The following LCORL variants were observed in gnomAD, a reference collection of about 807,000 sequenced individuals.
LCORL encodes ligand-dependent nuclear receptor corepressor-like protein.
LCORL carries 41 observed loss-of-function variants against 141.8 expected under a neutral mutation model. That is an observed-to-expected ratio of 0.29 (90% CI 0.23 to 0.38). The LOEUF (loss-of-function observed/expected upper bound fraction) is 0.38. Ranked by LOEUF, LCORL falls within the 10% of genes least tolerant of loss-of-function variation. The pLI is 1.00. For missense variants in LCORL, 1,759 were observed against 2,035.0 expected, an observed-to-expected ratio of 0.86 and a Z score of 2.61; for synonymous variants, 618 against 694.1, an observed-to-expected ratio of 0.89 and a Z score of 1.72.
At chr4:17,858,365 C>G (rs1724602228) in intron 7 of LCORL, among the ~76,000 whole-genome samples, 1 of 151,636 alleles carries the variant, frequency 6.6e-6, no homozygotes, top group African/African-American at 2.4e-5. Context: ...TATCAGTGAC[C>G]TGTGGGATAA....
At chr4:17,985,500 A>G (rs952847621) in intron 1 of LCORL, among the ~76,000 whole-genome samples, 1 of 152,116 alleles carries the variant, frequency 6.6e-6, no homozygotes, top group East Asian at 1.9e-4. Context: ...TGTTGAATTG[A>G]ACCCTTTACC....
At chr4:17,926,549 C>T (rs1429372698) in intron 4 of LCORL, among the ~76,000 whole-genome samples, 3 of 152,180 alleles carry the variant, frequency 2.0e-5, no homozygotes, top group Non-Finnish European at 4.4e-5. Flanking sequence ...GGTGGCTTCC[C>T]TAACTTTTGA....
intron 4 of LCORL, among the ~76,000 whole-genome samples, chr4:17,955,105 C>T (rs185500813): frequency 1.7e-4 from 26 of 152,150 alleles, no homozygotes; most frequent in African/African-American, 6.0e-4. Flanking sequence ...CTAACTCTTA[C>T]GGCTCTTCAA....
chr4:18,014,187 T>C (rs1358069020), intron 1 of LCORL, among the ~76,000 whole-genome samples: 1 of 151,810 alleles, frequency 6.6e-6, no homozygotes, highest in Non-Finnish European at 1.5e-5. Flanking sequence ...GCAATGTGGA[T>C]AAAAAAGGAC....
intron 1 of LCORL, among the ~76,000 whole-genome samples, chr4:17,993,918 G>A (rs374892615): frequency 4.5e-4 from 68 of 152,286 alleles, no homozygotes; most frequent in African/African-American, 1.5e-3. Context: ...GTGATACAGC[G>A]TCATTATTTT....
In LCORL at chr4:18,021,434, C is replaced by T. The variant is rs928215502; in HGVS notation, c.154+164G>A. Among the ~76,000 whole-genome samples, 1 of 152,100 alleles carries T rather than the reference C, an allele frequency of 6.6e-6. No homozygotes were observed. Among genetic ancestry groups the T allele is most frequent in the Non-Finnish European group, 1.5e-5 (1 of 67,994 alleles). On this transcript the variant is annotated intron_variant, in intron 1 of 7. Transcript: ENST00000635767. The surrounding 1 kb of genome is among the most constrained non-coding windows in gnomAD (Gnocchi z 5.5). Reference sequence around the variant, plus strand: ...CGCGCCGGGCCAGCAGCCCGCAAGACAAAAGGCGAGCGCCGGGGCCGCCGC... The same window carrying T: ...CGCGCCGGGCCAGCAGCCCGCAAGATAAAAGGCGAGCGCCGGGGCCGCCGC...
chr4:17,883,724 A>C, intron 6 of LCORL: 1 of 1,531,452 alleles, frequency 6.5e-7, no homozygotes, highest in Non-Finnish European at 8.8e-7. Flanking sequence ...AGTAATCTAC[A>C]CAGGCTTGCT....
chr4:17,872,117 C>A (rs191883334), intron 7 of LCORL, among the ~76,000 whole-genome samples: 21 of 151,668 alleles, frequency 1.4e-4, no homozygotes, highest in African/African-American at 4.4e-4. Flanking sequence ...CCAAAAACAC[C>A]CCTAAAATAT....
chr4:17,956,838 A>G (rs888450241), intron 4 of LCORL, among the ~76,000 whole-genome samples: 1 of 152,148 alleles, frequency 6.6e-6, no homozygotes, highest in African/African-American at 2.4e-5. Context: ...TGGATATTCT[A>G]AATACCCCAA....
chr4:17,953,610 A>G (rs1026781020), intron 4 of LCORL, among the ~76,000 whole-genome samples: 1 of 152,190 alleles, frequency 6.6e-6, no homozygotes, highest in African/African-American at 2.4e-5. Context: ...CTAAAGGTCT[A>G]GCATACTGCA....
At chr4:18,018,804 A>G in intron 1 of LCORL, among the ~76,000 whole-genome samples, 1 of 152,222 alleles carries the variant, frequency 6.6e-6, no homozygotes, top group South Asian at 2.1e-4. Context: ...TTACCAAAAG[A>G]CAAGAAGGAT....
exon 7 of LCORL, chr4:17,873,930 T>G: frequency 1.6e-6 from 2 of 1,234,066 alleles, no homozygotes; most frequent in Non-Finnish European, 2.0e-6. Flanking sequence ...CTTAAATTTA[T>G]TCTCAAAACT....
chr4:17,855,490 C>CT (rs1157863332), intron 7 of LCORL, among the ~76,000 whole-genome samples: 1 of 152,074 alleles, frequency 6.6e-6, no homozygotes, highest in African/African-American at 2.4e-5. Context: ...GATCATAATC[C>CT]TTTTTTTGAT....
At position 17,883,659 on chromosome 4, in the gene LCORL, T is replaced by TACACACACACGCAA. The variant is rs1400869962; in HGVS notation, c.776+2395_776+2408dup. Reference sequence around the variant, plus strand: ...ACACACAAATACACACCTGTGCACATACACACACACGCAAACACACACACA... The same window carrying TACACACACACGCAA: ...ACACACAAATACACACCTGTGCACATACACACACACGCAAACACACACACGCAAACACACACACA... On this transcript the variant is annotated intron_variant, in intron 6 of 7. Transcript: ENST00000635767. 3.1e-5 allele frequency: 45 copies of TACACACACACGCAA among 1,433,730 alleles called. No homozygotes were observed. The African/African-American group carries it at 6.4e-4, about 20-fold the overall frequency. The allele number at this position is 1,433,730 out of a possible 1,614,324, so 88.8% of individuals were successfully genotyped here.
At chr4:17,917,337 G>C (rs1448413341) in intron 4 of LCORL, among the ~76,000 whole-genome samples, 1 of 151,922 alleles carries the variant, frequency 6.6e-6, no homozygotes, top group East Asian at 1.9e-4. Context: ...GGATCACAGG[G>C]GCCTGCCACC....
chr4:17,880,173 A>G (rs968916732), intron 6 of LCORL, among the ~76,000 whole-genome samples: 6 of 151,056 alleles, frequency 4.0e-5, no homozygotes, highest in African/African-American at 9.7e-5. Flanking sequence ...AGATATTCAG[A>G]TATTAGATTC....
Position 17,937,812 on chromosome 4 carries a change from C to T in LCORL, c.430+24091G>A, listed in dbSNP as rs115905916. Reference sequence around the variant, plus strand: ...TCAAACAAAAACAGGAACTAAAGGGCAATACAATAGAACAAAATCTGGTCT... The same window carrying T: ...TCAAACAAAAACAGGAACTAAAGGGTAATACAATAGAACAAAATCTGGTCT... On this transcript the variant is annotated intron_variant, in intron 4 of 7. Transcript: ENST00000635767. Among the ~76,000 whole-genome samples, 479 of 152,118 alleles carry T rather than the reference C, an allele frequency of 3.1e-3. 3 individuals are homozygous for T. The highest frequency in any genetic ancestry group is 0.011 in the African/African-American group (449 of 41,504).
At chr4:17,905,368 T>C (rs1293699167) in intron 5 of LCORL, among the ~76,000 whole-genome samples, 1 of 152,116 alleles carries the variant, frequency 6.6e-6, no homozygotes, top group Non-Finnish European at 1.5e-5. Context: ...AGTTTTCAAA[T>C]GCTTAATCAT....
At position 17,906,597 on chromosome 4, in the gene LCORL, T is replaced by C. The variant is rs371470305; in HGVS notation, c.682+2497A>G. 2.1e-4 allele frequency among the ~76,000 whole-genome samples: 32 copies of C among 152,310 alleles called. No homozygotes were observed. The East Asian group carries it at 3.5e-3, about 17-fold the overall frequency. On this transcript the variant is annotated intron_variant, in intron 5 of 7. Coordinates refer to ENST00000635767, the Ensembl canonical transcript of LCORL. ...TATTACAATAATTTAAATAATTACA[T>C]GACTTGTGTTCTACATATACATGGA...
Sources: gnomAD v4.1 joint callset for allele counts (sites outside exome capture counted in the v4.1 genomes callset) on GRCh38, gnomAD v4.1.1 for gene constraint, Gnocchi (gnomAD v3.1) non-coding constraint, MANE v1.5 for transcripts, NCBI Gene and HGNC (gene_info 2026-07-23, HGNC 2026-07-21) for gene names.